The following SNTG1 variants were observed in gnomAD, a reference collection of about 807,000 sequenced individuals.
SNTG1 encodes syntrophin gamma 1, also known as gamma-1-syntrophin.
A neutral mutation model predicts 74.7 loss-of-function variants in SNTG1; 39 were observed. The observed-to-expected ratio is 0.52, with a 90% CI of 0.40 to 0.68. The LOEUF (loss-of-function observed/expected upper bound fraction) is 0.68, where lower values mean the gene tolerates loss of function less well. Among genes scored for constraint, SNTG1 ranks in the 30% least tolerant of loss-of-function variants. SNTG1 has a pLI of 0.00. For missense variants in SNTG1, 685 were observed against 609.5 expected, an observed-to-expected ratio of 1.12 and a Z score of -1.30; for synonymous variants, 254 against 217.1, an observed-to-expected ratio of 1.17 and a Z score of -1.49.
Position 50,526,672 on chromosome 8 carries a change from A to G in SNTG1, c.467-3505A>G, listed in dbSNP as rs149265384. 7.5e-3 allele frequency among the ~76,000 whole-genome samples: 1,135 copies of G among 151,372 alleles called. 19 individuals are homozygous for G. The highest frequency in any genetic ancestry group is 0.026 in the African/African-American group (1,084 of 41,222). ...ATATATATATATATATTTTTTTGAG[A>G]TGGAGTCTCCCCCTGTTGCCAGGCT... is the stretch of plus-strand genomic sequence containing the variant. On this transcript the variant is annotated intron_variant, in intron 9 of 18. Coordinates refer to ENST00000642720, the MANE Select transcript of SNTG1 (RefSeq NM_018967.5).
intron 11 of SNTG1, among the ~76,000 whole-genome samples, chr8:50,545,491 A>AATATATATATAT (rs60704745): frequency 1.1e-4 from 16 of 147,022 alleles, no homozygotes; most frequent in African/African-American, 3.7e-4. Flanking sequence ...ATGTTATATA[A>AATATATATATAT]ATATATATAT....
chr8:50,182,387 A>G (rs1024989436), intron 2 of SNTG1, among the ~76,000 whole-genome samples: 2 of 152,184 alleles, frequency 1.3e-5, no homozygotes, highest in Admixed American at 1.3e-4. Context: ...AAATATTTTT[A>G]TGACATGACA....
intron 13 of SNTG1, among the ~76,000 whole-genome samples, chr8:50,625,406 T>C (rs2094949969): frequency 6.6e-6 from 1 of 152,202 alleles, no homozygotes; most frequent in Non-Finnish European, 1.5e-5. Flanking sequence ...GATGACTATG[T>C]CAAGATGAAG....
chr8:50,725,797 C>G (rs773192172), intron 17 of SNTG1, among the ~76,000 whole-genome samples: 21 of 152,190 alleles, frequency 1.4e-4, no homozygotes, highest in Non-Finnish European at 2.8e-4. Context: ...AGTACCATGT[C>G]TATTGCATTT....
chr8:50,783,918 A>G (rs2095667435), intron 18 of SNTG1, among the ~76,000 whole-genome samples: 2 of 152,178 alleles, frequency 1.3e-5, no homozygotes, highest in Non-Finnish European at 2.9e-5. Context: ...CATTTTTGTT[A>G]TTTAGTTATG....
At chr8:50,199,296 C>A (rs1054470126) in intron 2 of SNTG1, among the ~76,000 whole-genome samples, 4 of 151,022 alleles carry the variant, frequency 2.6e-5, no homozygotes, top group Non-Finnish European at 4.4e-5. Flanking sequence ...CGGCTCACTG[C>A]AACCTCTGTC....
chr8:50,387,932 G>C (rs2092600265), intron 2 of SNTG1, among the ~76,000 whole-genome samples: 1 of 152,122 alleles, frequency 6.6e-6, no homozygotes, highest in African/African-American at 2.4e-5. Flanking sequence ...GGTTCACTGA[G>C]CTCAGCTTCA....
chr8:50,162,101 G>A (rs2082436131), intron 1 of SNTG1, among the ~76,000 whole-genome samples: 1 of 152,156 alleles, frequency 6.6e-6, no homozygotes, highest in Admixed American at 6.5e-5. Flanking sequence ...TGGAGAGCTT[G>A]ACTTGACTGC....
chr8:50,232,279 G>A (rs930583931), intron 2 of SNTG1, among the ~76,000 whole-genome samples: 2 of 151,368 alleles, frequency 1.3e-5, no homozygotes, highest in African/African-American at 4.8e-5. Flanking sequence ...TTCCAGGCAA[G>A]CAGGCTGTTT....
intron 13 of SNTG1, among the ~76,000 whole-genome samples, chr8:50,637,034 A>C (rs2095043761): frequency 6.6e-6 from 1 of 152,158 alleles, no homozygotes; most frequent in African/African-American, 2.4e-5. Flanking sequence ...AATAAATTAA[A>C]AGAATAAAAT....
chr8:50,013,777 G>T (rs1816053223), intron 1 of SNTG1, among the ~76,000 whole-genome samples: 1 of 151,908 alleles, frequency 6.6e-6, no homozygotes, highest in African/African-American at 2.4e-5. Context: ...CATTTTTCCT[G>T]GGGGAAATAA....
chr8:50,391,008 A>T (rs1451826152), intron 2 of SNTG1, among the ~76,000 whole-genome samples: 2 of 152,196 alleles, frequency 1.3e-5, no homozygotes, highest in East Asian at 3.9e-4. Context: ...CAATCATGTC[A>T]TCTGCAAACA....
chr8:50,286,105 A>G (rs889410573), intron 2 of SNTG1, among the ~76,000 whole-genome samples: 3 of 148,428 alleles, frequency 2.0e-5, no homozygotes, highest in African/African-American at 4.9e-5. Context: ...TCTTTTTCCT[A>G]TATGACCATT....
intron 8 of SNTG1, among the ~76,000 whole-genome samples, chr8:50,464,951 G>GGA (rs1491262873): frequency 1.9e-4 from 11 of 58,564 alleles, no homozygotes; most frequent in Non-Finnish European, 5.9e-4. Context: ...ACATGCTGTT[G>GGA]GAAAAAAAAA....
At chr8:50,407,746 G>A (rs959665107) in intron 4 of SNTG1, among the ~76,000 whole-genome samples, 16 of 152,196 alleles carry the variant, frequency 1.1e-4, no homozygotes, top group African/African-American at 3.6e-4. Flanking sequence ...AAGCAAAGAG[G>A]ACAGGAGATA....
chr8:50,443,370 A>C (rs116737599), intron 5 of SNTG1, among the ~76,000 whole-genome samples: 4,235 of 152,254 alleles, frequency 0.028, 188 homozygotes, highest in African/African-American at 0.095. Flanking sequence ...TTTTCTTATG[A>C]AAATAATAAA....
At chr8:50,089,573 A>T (rs2079633332) in intron 1 of SNTG1, among the ~76,000 whole-genome samples, 1 of 152,124 alleles carries the variant, frequency 6.6e-6, no homozygotes, top group Admixed American at 6.6e-5. Context: ...AAAAACAAAC[A>T]ACCCCATCAA....
At chr8:50,641,638 ACTT>A (rs2095073890) in intron 13 of SNTG1, among the ~76,000 whole-genome samples, 1 of 152,134 alleles carries the variant, frequency 6.6e-6, no homozygotes, top group African/African-American at 2.4e-5. Context: ...TCCTGGGCAA[ACTT>A]CTTTTATCAA....
In SNTG1 at chr8:50,755,324, T is replaced by C. The variant is rs2095577709; in HGVS notation, c.1395+3213T>C. On this transcript the variant is annotated intron_variant, in intron 18 of 18. Transcript: ENST00000642720. ...AAAACTTGTCTCCGTACTTTTTCCT[T>C]TTTCAAAATGTCATATAGTTGGATC... Among the ~76,000 whole-genome samples, 3 of 151,848 alleles carry C rather than the reference T, an allele frequency of 2.0e-5. No individual in the cohort carries two copies. The South Asian group carries it at 6.2e-4, about 32-fold the overall frequency.
Sources: gnomAD v4.1 joint callset for allele counts (sites outside exome capture counted in the v4.1 genomes callset) on GRCh38, gnomAD v4.1.1 for gene constraint, MANE v1.5 for transcripts, NCBI Gene and HGNC (gene_info 2026-07-23, HGNC 2026-07-21) for gene names.